The following FGF12 variants were observed in gnomAD, a reference collection of about 807,000 sequenced individuals.
FGF12 encodes fibroblast growth factor 12, also known as fibroblast growth factor 12B.
A neutral mutation model predicts 23.6 loss-of-function variants in FGF12; 14 were observed. The observed-to-expected ratio is 0.59, with a 90% CI of 0.39 to 0.93. FGF12 has a LOEUF of 0.93. Ranked by LOEUF, FGF12 falls within the 40% of genes least tolerant of loss-of-function variation. The pLI is 0.00. For synonymous variants in FGF12, 62 were observed against 77.3 expected, an observed-to-expected ratio of 0.80 and a Z score of 1.04; for missense variants, 175 against 217.8, an observed-to-expected ratio of 0.80 and a Z score of 1.24.
chr3:192,599,009 A>G (rs1316549630), intron 2 of FGF12, among the ~76,000 whole-genome samples: 1 of 152,126 alleles, frequency 6.6e-6, no homozygotes, highest in Admixed American at 6.6e-5. Flanking sequence ...AGCTAACACA[A>G]GAACAGAAAA....
intron 4 of FGF12, among the ~76,000 whole-genome samples, chr3:192,189,685 G>A (rs1301716079): frequency 6.6e-6 from 1 of 152,170 alleles, no homozygotes; most frequent in African/African-American, 2.4e-5. Context: ...CAACAAGAGA[G>A]TAGCTATCTG....
chr3:192,444,653 C>T (rs755084874), intron 2 of FGF12, among the ~76,000 whole-genome samples: 10 of 152,228 alleles, frequency 6.6e-5, no homozygotes, highest in Non-Finnish European at 1.3e-4. Flanking sequence ...ACCATCACAG[C>T]CCTGCTTGCT....
chr3:192,169,106 C>T (rs146771350), intron 5 of FGF12, among the ~76,000 whole-genome samples: 10,012 of 152,048 alleles, frequency 0.066, 400 homozygotes, highest in African/African-American at 0.097. Flanking sequence ...TTTGGGAGGC[C>T]GAGGTGGGCA....
chr3:192,393,590 T>A (rs1457736342), intron 2 of FGF12, among the ~76,000 whole-genome samples: 1 of 152,096 alleles, frequency 6.6e-6, no homozygotes, highest in Non-Finnish European at 1.5e-5. Flanking sequence ...CTGTGTATAC[T>A]GTAATCATAC....
chr3:192,232,543 A>ATTTATTTATTTATTTT, intron 4 of FGF12, among the ~76,000 whole-genome samples: 2 of 151,142 alleles, frequency 1.3e-5, no homozygotes, highest in South Asian at 4.2e-4. Flanking sequence ...TTATTTATTT[A>ATTTATTTATTTATTTT]TTTTTCTTTT....
intron 2 of FGF12, among the ~76,000 whole-genome samples, chr3:192,527,402 G>C (rs886199846): frequency 2.0e-5 from 3 of 152,178 alleles, no homozygotes; most frequent in Non-Finnish European, 4.4e-5. Context: ...GAGGTTCATA[G>C]TATTAGTCTG....
chr3:192,601,675 C>T (rs1560165606), intron 2 of FGF12, among the ~76,000 whole-genome samples: 1 of 152,122 alleles, frequency 6.6e-6, no homozygotes, highest in Non-Finnish European at 1.5e-5. Flanking sequence ...AAACTACAGT[C>T]ATCCAGCAGT....
chr3:192,477,960 A>C (rs1211317916), intron 2 of FGF12, among the ~76,000 whole-genome samples: 3 of 152,186 alleles, frequency 2.0e-5, no homozygotes, highest in African/African-American at 4.8e-5. Flanking sequence ...TTGCTTTCCC[A>C]CATGGGCATC....
At chr3:192,170,423 A>T (rs1158201406) in intron 5 of FGF12, 35 bp downstream of exon 5, 2 of 1,577,428 alleles carry the variant, frequency 1.3e-6, no homozygotes, top group Non-Finnish European at 1.7e-6. Flanking sequence ...ACACACAGAT[A>T]AGGGTCCAAC....
intron 4 of FGF12, among the ~76,000 whole-genome samples, chr3:192,274,945 T>C (rs1327876579): frequency 6.6e-6 from 1 of 152,092 alleles, no homozygotes; most frequent in East Asian, 1.9e-4. Context: ...GTCCTTCAAC[T>C]GTTTTCAAAG....
chr3:192,670,093 G>T (rs1717054855), intron 2 of FGF12, among the ~76,000 whole-genome samples: 1 of 151,984 alleles, frequency 6.6e-6, no homozygotes. Flanking sequence ...TATCCCATAC[G>T]AGGCTGGATT....
At chr3:192,256,174 A>AT (rs1712374060) in intron 4 of FGF12, among the ~76,000 whole-genome samples, 1 of 152,114 alleles carries the variant, frequency 6.6e-6, no homozygotes, top group South Asian at 2.1e-4. Context: ...CTTACTTCCC[A>AT]TGCAAATTAG....
rs1482447213 is a variant in FGF12, at chr3:192,664,594, C to CAAAAAAAAAAA, written c.13+62586_13+62587insTTTTTTTTTTT. ...TGAAACCCTGTCTCTACTAAAAATA[C>CAAAAAAAAAAA]AAAAAAAATACAAAAAAAAAAAAAA... is the stretch of plus-strand genomic sequence containing the variant. On this transcript the variant is annotated intron_variant, in intron 2 of 5. Transcript: ENST00000445105. Among the ~76,000 whole-genome samples the CAAAAAAAAAAA allele has an allele frequency of 9.4e-4, 91 of 97,044 alleles. 15 individuals are homozygous for CAAAAAAAAAAA. The highest frequency in any genetic ancestry group is 6.9e-3 in the Middle Eastern group (1 of 144). 63.7% of individuals were successfully genotyped at this position (97,044 alleles called of 152,430 possible). A position where few individuals can be genotyped will look rare whatever the true frequency, so the allele number is the denominator to read the frequency against.
chr3:192,455,988 A>C (rs1480280435), intron 2 of FGF12, among the ~76,000 whole-genome samples: 1 of 152,166 alleles, frequency 6.6e-6, no homozygotes, highest in Non-Finnish European at 1.5e-5. Context: ...TGGTCCCCTA[A>C]AGCCAGTAAC....
chr3:192,684,905 A>T (rs1373497094), intron 2 of FGF12, among the ~76,000 whole-genome samples: 1 of 152,142 alleles, frequency 6.6e-6, no homozygotes, highest in African/African-American at 2.4e-5. Flanking sequence ...GATGAGGGAG[A>T]CTGACCTTGT....
chr3:192,295,755 A>G (rs964529350), intron 4 of FGF12, among the ~76,000 whole-genome samples: 8 of 152,234 alleles, frequency 5.3e-5, no homozygotes, highest in Non-Finnish European at 1.2e-4. Context: ...TCCCTGAAAT[A>G]TCTGTCAAAA....
At chr3:192,512,837 T>C (rs1014280864) in intron 2 of FGF12, among the ~76,000 whole-genome samples, 1 of 76,062 alleles carries the variant, frequency 1.3e-5, no homozygotes, top group African/African-American at 5.1e-5. Context: ...CTCAAATAAA[T>C]ATATATATAT....
chr3:192,176,163 T>A (rs896873588), intron 4 of FGF12, among the ~76,000 whole-genome samples: 1 of 152,222 alleles, frequency 6.6e-6, no homozygotes, highest in East Asian at 1.9e-4. Context: ...ACTGTTTTCA[T>A]CACATGCTAA....
intron 4 of FGF12, among the ~76,000 whole-genome samples, chr3:192,278,914 G>A (rs1293381095): frequency 6.6e-6 from 1 of 152,128 alleles, no homozygotes; most frequent in African/African-American, 2.4e-5. Flanking sequence ...ATCAGTCATG[G>A]TGGTTGGTTT....
Sources: allele counts gnomAD v4.1 joint callset (sites outside exome capture counted in the v4.1 genomes callset), GRCh38; gene constraint gnomAD v4.1.1; transcripts MANE v1.5; gene names NCBI Gene and HGNC (gene_info 2026-07-23, HGNC 2026-07-21).